Variants in SDK1 observed in about 807,000 individuals in gnomAD.
The protein encoded by SDK1 is protein sidekick-1.
In SDK1, 157 loss-of-function variants were observed where a neutral mutation model predicts 245.5. That is an observed-to-expected ratio of 0.64 (90% CI 0.56 to 0.73). The LOEUF (loss-of-function observed/expected upper bound fraction) is 0.73, where lower values mean the gene tolerates loss of function less well. SDK1 is among the 30% of genes least tolerant of loss of function. The pLI, the probability that SDK1 is intolerant of heterozygous loss-of-function variation, is 0.00. For missense variants in SDK1, 3,583 were observed against 3,002.3 expected (o/e 1.19, Z -4.52); for synonymous variants, 1,647 against 1,278.5 (o/e 1.29, Z -6.15).
chr7:3,632,081 G>A (rs1326886146), intron 2 of SDK1, among the ~76,000 whole-genome samples: 1 of 152,116 alleles, frequency 6.6e-6, no homozygotes, highest in Non-Finnish European at 1.5e-5. Context: ...TAAGTCAACA[G>A]ACATGCAATA....
intron 1 of SDK1, among the ~76,000 whole-genome samples, chr7:3,304,763 G>C (rs1334401634): frequency 6.6e-6 from 1 of 152,132 alleles, no homozygotes; most frequent in Non-Finnish European, 1.5e-5. Flanking sequence ...CCCTATTCCA[G>C]ACACCTGCTG....
chr7:3,777,738 C>A (rs1780608531), intron 4 of SDK1, among the ~76,000 whole-genome samples: 1 of 152,138 alleles, frequency 6.6e-6, no homozygotes, highest in Non-Finnish European at 1.5e-5. Context: ...ACTTTGCAAT[C>A]ATTATCATAA....
intron 1 of SDK1, among the ~76,000 whole-genome samples, chr7:3,362,560 A>G (rs1780982637): frequency 6.6e-6 from 1 of 152,140 alleles, no homozygotes; most frequent in South Asian, 2.1e-4. Flanking sequence ...TAAACTTAAA[A>G]ATTTTTTAAA....
At chr7:3,654,855 G>C (rs1447397071) in intron 4 of SDK1, among the ~76,000 whole-genome samples, 2 of 152,076 alleles carry the variant, frequency 1.3e-5, no homozygotes, top group Non-Finnish European at 2.9e-5. Flanking sequence ...TTTCACATGA[G>C]CATATCTTGT....
intron 25 of SDK1, among the ~76,000 whole-genome samples, chr7:4,118,983 A>G (rs1288236733): frequency 1.3e-5 from 2 of 148,736 alleles, no homozygotes; most frequent in Non-Finnish European, 3.0e-5. Flanking sequence ...TTTGGGGATG[A>G]TGAGATGTTC....
At chr7:3,654,379 C>T (rs949621744) in intron 4 of SDK1, among the ~76,000 whole-genome samples, 1 of 152,144 alleles carries the variant, frequency 6.6e-6, no homozygotes, top group African/African-American at 2.4e-5. Flanking sequence ...TGATGAGCTC[C>T]CTGTCACCGC....
In SDK1 at chr7:3,594,406, A is replaced by G. The variant is rs192456418; in HGVS notation, c.299-24674A>G. 7.5e-4 allele frequency among the ~76,000 whole-genome samples: 114 copies of G among 152,344 alleles called. 1 individual carries two copies. The highest frequency in any genetic ancestry group is 6.8e-3 in the Middle Eastern group (2 of 294). ...TTTGGCTATCATGAATAATGCTGCTATGAGCATTGATAATACAAGTTTTTG... is the reference window on the plus strand; with the variant it reads ...TTTGGCTATCATGAATAATGCTGCTGTGAGCATTGATAATACAAGTTTTTG... On this transcript the variant is annotated intron_variant, in intron 1 of 44. Coordinates refer to ENST00000404826, the MANE Select transcript of SDK1 (RefSeq NM_152744.4).
chr7:3,662,591 G>T (rs1257042158), intron 4 of SDK1, among the ~76,000 whole-genome samples: 3 of 152,158 alleles, frequency 2.0e-5, no homozygotes, highest in Non-Finnish European at 4.4e-5. Context: ...GGGACGATTG[G>T]GAGCTCACAG....
chr7:3,676,676 T>C (rs904646401), intron 4 of SDK1, among the ~76,000 whole-genome samples: 2 of 152,234 alleles, frequency 1.3e-5, no homozygotes, highest in African/African-American at 4.8e-5. Context: ...CTTTAAACCA[T>C]CTTGAGTAAA....
At chr7:3,914,488 G>C (rs1779297288) in intron 5 of SDK1, among the ~76,000 whole-genome samples, 1 of 152,184 alleles carries the variant, frequency 6.6e-6, no homozygotes. Context: ...GGGTTTTTAT[G>C]CTCCTGGAAC....
intron 22 of SDK1, among the ~76,000 whole-genome samples, chr7:4,086,819 G>C (rs370119896): frequency 6.6e-6 from 1 of 152,024 alleles, no homozygotes; most frequent in African/African-American, 2.4e-5. Context: ...ATCTCCAGGG[G>C]GCCTCATTCA....
rs1038251336 is a variant in SDK1, at chr7:4,267,727, A to G, written c.*2343A>G. ...GTTGCTCTCGGGTTTTCGATACAACATCATGACACTTCTGTTTCAAGCTCA... is the reference window on the plus strand; with the variant it reads ...GTTGCTCTCGGGTTTTCGATACAACGTCATGACACTTCTGTTTCAAGCTCA... On this transcript the variant is annotated 3_prime_UTR_variant, in exon 45 of 45. Coordinates refer to ENST00000404826, the MANE Select transcript of SDK1 (RefSeq NM_152744.4). 1 of 985,506 alleles carries G rather than the reference A, an allele frequency of 1.0e-6. No homozygotes were observed. The highest frequency in any genetic ancestry group is 1.2e-6 in the Non-Finnish European group (1 of 829,980). 61.0% of individuals were successfully genotyped at this position (985,506 alleles called of 1,614,324 possible).
intron 1 of SDK1, among the ~76,000 whole-genome samples, chr7:3,586,196 G>C (rs1305316323): frequency 6.6e-6 from 1 of 152,062 alleles, no homozygotes; most frequent in African/African-American, 2.4e-5. Context: ...CCTTGGGTGA[G>C]TGTCTTGGTG....
At chr7:4,140,754 A>C (rs1438462481) in intron 28 of SDK1, among the ~76,000 whole-genome samples, 1 of 152,154 alleles carries the variant, frequency 6.6e-6, no homozygotes, top group Admixed American at 6.5e-5. Context: ...TATGGTAGCT[A>C]TGAAGTGCCT....
intron 1 of SDK1, among the ~76,000 whole-genome samples, chr7:3,480,123 A>G (rs181227325): frequency 6.6e-6 from 1 of 152,344 alleles, no homozygotes; most frequent in East Asian, 1.9e-4. Context: ...GTTTTCAAAT[A>G]CAGAGCTAAT....
In SDK1 at chr7:4,149,387, C is replaced by T. The variant is rs750309117; in HGVS notation, c.4549C>T (p.Arg1517Ter). ...CATCCGGTACTTCACCATGCAGGTG[C>T]GAGAGCTGCCTCGGGGTGAGTGGCA... is the stretch of plus-strand genomic sequence containing the variant. ...SPIRYFTMQVRELPRGEWQTY... is the reference protein window; with the variant it reads ...SPIRYFTMQV The change falls in exon 30 of 45, where the codon CGA (arginine) becomes TGA (stop). Residue 1517 changes from arginine to a stop codon, truncating the protein, a stop_gained. Coordinates refer to ENST00000404826, the MANE Select transcript of SDK1 (RefSeq NM_152744.4). LOFTEE classifies it high-confidence loss of function. 1.9e-6 allele frequency: 3 copies of T among 1,586,554 alleles called. No homozygotes were observed. The highest frequency in any genetic ancestry group is 3.6e-5 in the Admixed American group (2 of 56,162).
In SDK1 at chr7:4,096,612, T is replaced by C. The variant is rs190928713; in HGVS notation, c.3325-14051T>C. Among the ~76,000 whole-genome samples the C allele has an allele frequency of 3.2e-3, 485 of 152,244 alleles. 3 individuals carry two copies. The highest frequency in any genetic ancestry group is 4.2e-3 in the East Asian group (22 of 5,180). On this transcript the variant is annotated intron_variant, in intron 22 of 44. Coordinates refer to ENST00000404826, the MANE Select transcript of SDK1 (RefSeq NM_152744.4). ...ACATTTAATAAATGGAAGTTCCTAATAATAAAAATAATGAAGTTAAGGCAA... is the reference window on the plus strand; with the variant it reads ...ACATTTAATAAATGGAAGTTCCTAACAATAAAAATAATGAAGTTAAGGCAA...
chr7:3,656,385 C>T (rs1306335205), intron 4 of SDK1, among the ~76,000 whole-genome samples: 2 of 152,108 alleles, frequency 1.3e-5, no homozygotes, highest in Non-Finnish European at 2.9e-5. Flanking sequence ...TGCTACTCTC[C>T]CCAAACACAG....
At chr7:3,340,254 T>C (rs1364069094) in intron 1 of SDK1, among the ~76,000 whole-genome samples, 1 of 151,844 alleles carries the variant, frequency 6.6e-6, no homozygotes, top group Non-Finnish European at 1.5e-5. Context: ...AATATGGCAA[T>C]AAAAGGAGTC....
Sources: gnomAD v4.1 joint callset for allele counts (sites outside exome capture counted in the v4.1 genomes callset) on GRCh38, gnomAD v4.1.1 for gene constraint, MANE v1.5 for transcripts, NCBI Gene and HGNC (gene_info 2026-07-23, HGNC 2026-07-21) for gene names.